The following LIMCH1 variants were observed in gnomAD, a reference collection of about 807,000 sequenced individuals.
LIMCH1 encodes the protein LIM and calponin homology domains-containing protein 1.
A neutral mutation model predicts 176.5 loss-of-function variants in LIMCH1; 113 were observed. That is an observed-to-expected ratio of 0.64 (90% CI 0.55 to 0.75). The LOEUF (loss-of-function observed/expected upper bound fraction) is 0.75, where lower values mean the gene tolerates loss of function less well. Ranked by LOEUF, LIMCH1 falls within the 30% of genes least tolerant of loss-of-function variation. The pLI, the probability that LIMCH1 is intolerant of heterozygous loss-of-function variation, is 0.00. For missense variants in LIMCH1, 1,674 were observed against 1,814.9 expected, an observed-to-expected ratio of 0.92 and a Z score of 1.41; for synonymous variants, 619 against 645.9, an observed-to-expected ratio of 0.96 and a Z score of 0.63.
chr4:41,519,355 T>C (rs1027413336), intron 2 of LIMCH1, among the ~76,000 whole-genome samples: 1 of 152,202 alleles, frequency 6.6e-6, no homozygotes, highest in African/African-American at 2.4e-5. Flanking sequence ...AAAGAACATA[T>C]GGCATAGGCT....
At chr4:41,499,088 G>A (rs1231940730) in intron 2 of LIMCH1, among the ~76,000 whole-genome samples, 1 of 152,154 alleles carries the variant, frequency 6.6e-6, no homozygotes, top group African/African-American at 2.4e-5. Context: ...TTAAGAAATT[G>A]AGTTTGGGCA....
At chr4:41,680,425 T>C (rs1714770488) in intron 24 of LIMCH1, among the ~76,000 whole-genome samples, 1 of 152,200 alleles carries the variant, frequency 6.6e-6, no homozygotes, top group Non-Finnish European at 1.5e-5. Context: ...TTTGTGTGTT[T>C]GTTGTTTGGT....
chr4:41,631,038 A>G (rs2093293005), intron 9 of LIMCH1, 110 bp from the exon 10 acceptor site: 3 of 916,018 alleles, frequency 3.3e-6, no homozygotes, highest in South Asian at 1.9e-5. Context: ...TGCCGAACTC[A>G]CTGATAGGGA....
Position 41,646,650 on chromosome 4 carries a change from A to C in LIMCH1, c.2577A>C (p.Pro859=). 1 of 1,614,234 alleles carries C rather than the reference A, an allele frequency of 6.2e-7. No individual in the cohort carries two copies. The highest frequency in any genetic ancestry group is 8.5e-7 in the Non-Finnish European group (1 of 1,180,046). ...KILERSHSTE[P]NLSSFLNDPN... ...TGGAAAGAAGCCATTCAACAGAGCC[A>C]AATTTATCCTCCTTCCTGAATGACC... The change falls in exon 17 of 32, where the codon CCA becomes CCC. Residue 859 remains proline (P), a synonymous_variant. Coordinates refer to ENST00000503057, the MANE Select transcript of LIMCH1 (RefSeq NM_001330672.2).
At chr4:41,569,859 T>C (rs1204400284) in intron 1 of LIMCH1, among the ~76,000 whole-genome samples, 2 of 152,214 alleles carry the variant, frequency 1.3e-5, no homozygotes, top group Admixed American at 6.5e-5. Context: ...AAAATTCTGT[T>C]CCTCGTCATC....
chr4:41,447,650 G>C (rs1302594951), intron 1 of LIMCH1, among the ~76,000 whole-genome samples: 1 of 152,226 alleles, frequency 6.6e-6, no homozygotes, highest in East Asian at 1.9e-4. Context: ...TCTGGATCCT[G>C]AAAATGCGGG....
At chr4:41,692,258 A>T (rs368020434) in intron 30 of LIMCH1, 24 bp from the exon 31 acceptor site, 277 of 1,342,672 alleles carry the variant, frequency 2.1e-4, no homozygotes, top group Middle Eastern at 5.4e-4. Context: ...GCATCTTATG[A>T]TGTCTGTTCT....
chr4:41,515,293 C>T (rs909208565), intron 2 of LIMCH1, among the ~76,000 whole-genome samples: 10 of 152,242 alleles, frequency 6.6e-5, no homozygotes, highest in Admixed American at 1.3e-4. Context: ...TTCCTTCCTC[C>T]GCGTCCCCAG....
intron 18 of LIMCH1, among the ~76,000 whole-genome samples, chr4:41,654,721 G>A (rs1326142823): frequency 1.3e-5 from 2 of 152,130 alleles, no homozygotes; most frequent in East Asian, 3.9e-4. Flanking sequence ...AGAAAGGGCA[G>A]AATCAAAGGC....
intron 1 of LIMCH1, among the ~76,000 whole-genome samples, chr4:41,375,217 A>T (rs189633550): frequency 1.3e-5 from 2 of 152,334 alleles, no homozygotes; most frequent in Admixed American, 1.3e-4. Flanking sequence ...TACTTCTTGG[A>T]GGTGAGTATA....
chr4:41,478,199 A>C (rs976797285), intron 1 of LIMCH1, among the ~76,000 whole-genome samples: 1 of 152,348 alleles, frequency 6.6e-6, no homozygotes, highest in East Asian at 1.9e-4. Context: ...AGCTTAGCTA[A>C]TTATTGAAGG....
At chr4:41,692,140 C>A in intron 30 of LIMCH1, 142 bp from the exon 31 acceptor site, 1 of 601,580 alleles carries the variant, frequency 1.7e-6, no homozygotes, top group East Asian at 2.8e-5. Flanking sequence ...GACACTGGTG[C>A]AGCATCTTAC....
At chr4:41,649,125 C>T (rs1228391833) in intron 17 of LIMCH1, among the ~76,000 whole-genome samples, 1 of 152,126 alleles carries the variant, frequency 6.6e-6, no homozygotes, top group Non-Finnish European at 1.5e-5. Flanking sequence ...TGAGGCTGGG[C>T]GAGGTGGCTC....
intron 1 of LIMCH1, among the ~76,000 whole-genome samples, chr4:41,545,166 TAA>T (rs748302811): frequency 7.9e-5 from 12 of 152,228 alleles, no homozygotes; most frequent in Non-Finnish European, 1.6e-4. Flanking sequence ...AAGAAAAACT[TAA>T]GAGATATTTT....
At chr4:41,465,925 G>A (rs78166179) in intron 1 of LIMCH1, among the ~76,000 whole-genome samples, 7,310 of 145,458 alleles carry the variant, frequency 0.05, 227 homozygotes, top group African/African-American at 0.088. Flanking sequence ...AGTGTCTCTT[G>A]TAAAGCCTAA....
At chr4:41,425,373 G>C (rs1197102241) in intron 1 of LIMCH1, among the ~76,000 whole-genome samples, 1 of 152,116 alleles carries the variant, frequency 6.6e-6, no homozygotes, top group Non-Finnish European at 1.5e-5. Context: ...TAAAGACGGA[G>C]TCTCACTCTG....
intron 1 of LIMCH1, among the ~76,000 whole-genome samples, chr4:41,569,551 A>C (rs1460537569): frequency 6.6e-6 from 1 of 152,198 alleles, no homozygotes; most frequent in African/African-American, 2.4e-5. Context: ...GTCGGCCCTC[A>C]ACAGTCAATT....
intron 1 of LIMCH1, among the ~76,000 whole-genome samples, chr4:41,566,726 T>C (rs1238012843): frequency 6.6e-6 from 1 of 152,258 alleles, no homozygotes; most frequent in Non-Finnish European, 1.5e-5. Flanking sequence ...TAGAATGTGA[T>C]GTTTTGATAA....
chr4:41,494,389 A>C, intron 1 of LIMCH1: 1 of 539,510 alleles, frequency 1.9e-6, no homozygotes, highest in South Asian at 2.3e-5. Flanking sequence ...ACATACATAC[A>C]TATACGTACA....
Sources: gnomAD v4.1 joint callset for allele counts (sites outside exome capture counted in the v4.1 genomes callset) on GRCh38, gnomAD v4.1.1 for gene constraint, MANE v1.5 for transcripts, NCBI Gene and HGNC (gene_info 2026-07-23, HGNC 2026-07-21) for gene names.